KCNH1: variants seen among roughly 807,000 people sequenced by gnomAD.
KCNH1 encodes the protein potassium voltage-gated channel subfamily H member 1, also known as voltage-gated delayed rectifier potassium channel KCNH1.
In KCNH1, 27 loss-of-function variants were observed where a neutral mutation model predicts 69.2. The ratio of observed to expected loss-of-function variants is 0.39; its 90% CI spans 0.29 to 0.54. KCNH1 has a LOEUF of 0.54. Ranked by LOEUF, KCNH1 falls within the 20% of genes least tolerant of loss-of-function variation. The pLI is 0.68. For missense variants in KCNH1, 798 were observed against 1,261.6 expected (o/e 0.63, Z 5.57); for synonymous variants, 456 against 487.7 (o/e 0.93, Z 0.86).
At chr1:210,793,891 G>A (rs1006243853) in intron 9 of KCNH1, among the ~76,000 whole-genome samples, 4 of 152,222 alleles carry the variant, frequency 2.6e-5, no homozygotes, top group African/African-American at 4.8e-5. Flanking sequence ...CATGCAGAGT[G>A]ATGGCTGTCT....
intron 6 of KCNH1, among the ~76,000 whole-genome samples, chr1:210,936,014 T>C (rs527555138): frequency 6.6e-6 from 1 of 152,332 alleles, no homozygotes; most frequent in African/African-American, 2.4e-5. Context: ...AATTCTCTGC[T>C]CGATTTTATT....
At chr1:210,806,072 G>A (rs75816760) in intron 7 of KCNH1, among the ~76,000 whole-genome samples, 3 of 152,158 alleles carry the variant, frequency 2.0e-5, no homozygotes, top group African/African-American at 4.8e-5. Context: ...ATTCTTTTGT[G>A]TATATACCTA....
At chr1:210,811,135 A>T (rs565310592) in intron 7 of KCNH1, among the ~76,000 whole-genome samples, 3 of 152,316 alleles carry the variant, frequency 2.0e-5, no homozygotes, top group African/African-American at 7.2e-5. Flanking sequence ...TTATTTTCAT[A>T]TACTACCTCT....
intron 10 of KCNH1, among the ~76,000 whole-genome samples, chr1:210,737,330 G>A (rs1372647734): frequency 6.6e-6 from 1 of 152,160 alleles, no homozygotes; most frequent in African/African-American, 2.4e-5. Context: ...TGTGGTCTGG[G>A]TGTATATTTG....
At chr1:210,954,024 T>C (rs1285926869) in intron 6 of KCNH1, among the ~76,000 whole-genome samples, 1 of 152,168 alleles carries the variant, frequency 6.6e-6, no homozygotes, top group Non-Finnish European at 1.5e-5. Flanking sequence ...ATTAGGTATT[T>C]CTCCAAATGC....
At chr1:210,687,506 T>C (rs965878297) in intron 10 of KCNH1, among the ~76,000 whole-genome samples, 1 of 152,172 alleles carries the variant, frequency 6.6e-6, no homozygotes, top group African/African-American at 2.4e-5. Flanking sequence ...CATCACTGTC[T>C]CAACCAATGG....
intron 1 of KCNH1, among the ~76,000 whole-genome samples, chr1:211,111,960 A>C (rs74406390): frequency 1.2e-5 from 1 of 86,294 alleles, no homozygotes; most frequent in African/African-American, 5.0e-5. Context: ...CTGCCTGGCC[A>C]CTGCACTGTC....
At chr1:210,838,362 TAAATATAAAACCC>T (rs1405181378) in intron 7 of KCNH1, among the ~76,000 whole-genome samples, 9 of 152,094 alleles carry the variant, frequency 5.9e-5, no homozygotes, top group African/African-American at 1.7e-4. Context: ...ATTAAAAACT[TAAATATAAAACCC>T]AAATATAAAA....
At chr1:210,929,597 A>C (rs1018684405) in intron 6 of KCNH1, among the ~76,000 whole-genome samples, 1 of 152,180 alleles carries the variant, frequency 6.6e-6, no homozygotes, top group Admixed American at 6.5e-5. Flanking sequence ...AGTTGAACGC[A>C]TTCCCTCATG....
At chr1:210,859,753 A>G (rs1685935113) in intron 7 of KCNH1, 1 of 1,061,664 alleles carries the variant, frequency 9.4e-7, no homozygotes, top group Non-Finnish European at 1.5e-6. Flanking sequence ...TTCCATATCA[A>G]TAAGAGCACA....
intron 7 of KCNH1, among the ~76,000 whole-genome samples, chr1:210,880,033 G>A (rs74549385): frequency 0.016 from 2,495 of 152,112 alleles, 69 homozygotes; most frequent in African/African-American, 0.056. Flanking sequence ...TAACTCAAAC[G>A]AATGTGTTTA....
At chr1:210,686,233 C>T (rs1384932230) in intron 10 of KCNH1, among the ~76,000 whole-genome samples, 4 of 152,178 alleles carry the variant, frequency 2.6e-5, no homozygotes, top group Admixed American at 6.5e-5. Flanking sequence ...GTGATTGGGA[C>T]CCTTTTCACT....
intron 10 of KCNH1, among the ~76,000 whole-genome samples, chr1:210,750,190 C>T (rs182341751): frequency 2.0e-5 from 3 of 152,220 alleles, no homozygotes; most frequent in African/African-American, 7.2e-5. Flanking sequence ...CCTCAGATTC[C>T]CCAAATGGAA....
At chr1:210,968,420 C>G (rs1372774044) in intron 6 of KCNH1, among the ~76,000 whole-genome samples, 15 of 137,840 alleles carry the variant, frequency 1.1e-4, no homozygotes, top group African/African-American at 4.0e-4. Context: ...ATTTCTAGTT[C>G]TAGATCCCTG....
chr1:210,966,362 A>G (rs1688400952), intron 6 of KCNH1, among the ~76,000 whole-genome samples: 1 of 152,232 alleles, frequency 6.6e-6, no homozygotes. Flanking sequence ...AGCAATGGCA[A>G]CAAAAGCCAA....
intron 5 of KCNH1, among the ~76,000 whole-genome samples, chr1:211,070,418 T>TA (rs759773298): frequency 1.2e-4 from 14 of 112,622 alleles, no homozygotes; most frequent in East Asian, 2.8e-4. Flanking sequence ...ACTCCACCTT[T>TA]AAAAAAAAAA....
At chr1:210,895,589 C>T (rs1194558683) in intron 7 of KCNH1, among the ~76,000 whole-genome samples, 3 of 151,966 alleles carry the variant, frequency 2.0e-5, no homozygotes, top group Non-Finnish European at 4.4e-5. Flanking sequence ...GATGAAGTAC[C>T]ATGTCTCCCC....
At chr1:211,018,560 G>A (rs1243323461) in intron 6 of KCNH1, among the ~76,000 whole-genome samples, 2 of 152,192 alleles carry the variant, frequency 1.3e-5, no homozygotes, top group East Asian at 3.9e-4. Flanking sequence ...ACGTGGAGTA[G>A]GAGTAAGCCT....
intron 7 of KCNH1, among the ~76,000 whole-genome samples, chr1:210,870,874 C>T (rs571859086): frequency 1.3e-5 from 2 of 152,230 alleles, no homozygotes; most frequent in Admixed American, 1.3e-4. Flanking sequence ...TCACTTCAAC[C>T]CATCCTTCTT....
Sources: gnomAD v4.1 joint callset for allele counts (sites outside exome capture counted in the v4.1 genomes callset) on GRCh38, gnomAD v4.1.1 for gene constraint, MANE v1.5 for transcripts, NCBI Gene and HGNC (gene_info 2026-07-23, HGNC 2026-07-21) for gene names.